Variants in TMCC3 observed in about 807,000 individuals in gnomAD.
TMCC3 encodes transmembrane and coiled-coil domain protein 3.
A neutral mutation model predicts 40.2 loss-of-function variants in TMCC3; 28 were observed. The observed-to-expected ratio is 0.70, with a 90% CI of 0.52 to 0.95. The LOEUF (loss-of-function observed/expected upper bound fraction) is 0.95, where lower values mean the gene tolerates loss of function less well. Ranked by LOEUF, TMCC3 falls within the 40% of genes least tolerant of loss-of-function variation. The pLI is 0.00. For synonymous variants in TMCC3, 255 were observed against 248.5 expected, an observed-to-expected ratio of 1.03 and a Z score of -0.25; for missense variants, 554 against 615.2, an observed-to-expected ratio of 0.90 and a Z score of 1.05.
At chr12:94,593,408 A>AGGAAG (rs1566320626) in intron 1 of TMCC3, among the ~76,000 whole-genome samples, 6 of 29,814 alleles carry the variant, frequency 2.0e-4, no homozygotes, top group African/African-American at 7.3e-4. Context: ...AAAGAAGAAG[A>AGGAAG]AGGAAGAAGA....
At chr12:94,650,202 C>A in intron 1 of TMCC3, 151 bp downstream of exon 1, 1 of 368,352 alleles carries the variant, frequency 2.7e-6, no homozygotes, top group Non-Finnish European at 4.3e-6. Context: ...ACCCTTTTAG[C>A]TCGGAGGATC....
At chr12:94,643,515 G>A (rs1024578744) in intron 1 of TMCC3, among the ~76,000 whole-genome samples, 4 of 152,114 alleles carry the variant, frequency 2.6e-5, no homozygotes, top group Admixed American at 6.5e-5. Flanking sequence ...GCAAAAACAC[G>A]GTTCTTTAAT....
chr12:94,633,379 T>C (rs17022972), intron 1 of TMCC3, among the ~76,000 whole-genome samples: 21,861 of 152,170 alleles, frequency 0.14, 1,894 homozygotes, highest in South Asian at 0.28. Flanking sequence ...AAATTTGATG[T>C]AAACATGGCA....
chr12:94,579,565 A>T (rs2068587962), intron 2 of TMCC3, among the ~76,000 whole-genome samples: 1 of 152,230 alleles, frequency 6.6e-6, no homozygotes, highest in Non-Finnish European at 1.5e-5. Context: ...GTGTATTTTG[A>T]AACAGGATGT....
chr12:94,611,409 A>G (rs1173382196), intron 1 of TMCC3, among the ~76,000 whole-genome samples: 2 of 152,170 alleles, frequency 1.3e-5, no homozygotes, highest in African/African-American at 4.8e-5. Flanking sequence ...GACCAATGCC[A>G]CTGAAATATT....
intron 1 of TMCC3, among the ~76,000 whole-genome samples, chr12:94,595,606 G>GA (rs2138843228): frequency 6.6e-6 from 1 of 152,290 alleles, no homozygotes; most frequent in Non-Finnish European, 1.5e-5. Flanking sequence ...ACATGTACTG[G>GA]ATGATTTGCA....
chr12:94,596,652 A>G (rs537898373), intron 1 of TMCC3, among the ~76,000 whole-genome samples: 1 of 151,990 alleles, frequency 6.6e-6, no homozygotes, highest in African/African-American at 2.4e-5. Flanking sequence ...CTTGGAGAGA[A>G]GGATCATCTA....
chr12:94,581,000 C>A (rs1415199425), intron 2 of TMCC3, among the ~76,000 whole-genome samples: 1 of 152,106 alleles, frequency 6.6e-6, no homozygotes, highest in East Asian at 1.9e-4. Context: ...CAGCTAAAAG[C>A]CACAAATTAT....
intron 1 of TMCC3, among the ~76,000 whole-genome samples, chr12:94,590,629 G>C (rs2068668128): frequency 6.6e-6 from 1 of 152,184 alleles, no homozygotes; most frequent in African/African-American, 2.4e-5. Flanking sequence ...GCCCTTCTCT[G>C]TGCTGGCTGA....
At chr12:94,608,901 C>T (rs2068799083) in intron 1 of TMCC3, among the ~76,000 whole-genome samples, 4 of 152,192 alleles carry the variant, frequency 2.6e-5, no homozygotes, top group Non-Finnish European at 5.9e-5. Flanking sequence ...TTCTAGTTCT[C>T]ACCTCATTAT....
In TMCC3 at chr12:94,580,892, A is replaced by G. The variant is rs555408851; in HGVS notation, c.995+730T>C. ...ATCTCTGAATTAGCATAATGACACTATAACGGAAGTCTACTGAATCAGCAT... is the reference window on the plus strand; with the variant it reads ...ATCTCTGAATTAGCATAATGACACTGTAACGGAAGTCTACTGAATCAGCAT... On this transcript the variant is annotated intron_variant, in intron 2 of 3. Coordinates refer to ENST00000261226, the MANE Select transcript of TMCC3 (RefSeq NM_020698.4). Among the ~76,000 whole-genome samples, 3 of 152,330 alleles carry G rather than the reference A, an allele frequency of 2.0e-5. No homozygotes were observed. In the South Asian group the frequency reaches 6.2e-4, roughly 32 times the overall value.
rs137861387 is a variant in TMCC3 at position 94,571,181 on chromosome 12, G to A, written c.*254C>T. On this transcript the variant is annotated 3_prime_UTR_variant, in exon 4 of 4. Transcript: ENST00000261226. ...AGGTTTACCACGCTGGGCTGGTCAGGTGGGCAGGAAATCGGTCTGATTAAG... is the reference window on the plus strand; with the variant it reads ...AGGTTTACCACGCTGGGCTGGTCAGATGGGCAGGAAATCGGTCTGATTAAG... 1.3e-4 allele frequency: 64 copies of A among 506,504 alleles called. No homozygotes were observed. In the East Asian group the frequency reaches 1.5e-3, roughly 12 times the overall value. 31.4% of individuals were successfully genotyped at this position (506,504 alleles called of 1,614,324 possible). A position where few individuals can be genotyped will look rare whatever the true frequency, so the allele number is the denominator to read the frequency against.
At chr12:94,650,317 G>C (rs1012545668) in intron 1 of TMCC3, 36 bp downstream of exon 1, 1 of 1,225,048 alleles carries the variant, frequency 8.2e-7, no homozygotes, top group Admixed American at 4.3e-5. Context: ...CCCCGGGCCC[G>C]CGCGCACCCG....
rs530244416 is a variant in TMCC3 at position 94,637,850 on chromosome 12, C to A, written c.78+12503G>T. Among the ~76,000 whole-genome samples, 262 of 152,206 alleles carry A rather than the reference C, an allele frequency of 1.7e-3. 1 individual carries two copies. Among genetic ancestry groups the A allele is most frequent in the Middle Eastern group, 3.4e-3 (1 of 294 alleles). ...AATAAGCTTTCCAGCTTCTCAAGTC[C>A]CACAGTACAATTTCACAACATACAC... On this transcript the variant is annotated intron_variant, in intron 1 of 3. Transcript: ENST00000261226.
intron 1 of TMCC3, among the ~76,000 whole-genome samples, chr12:94,645,815 A>G (rs916189145): frequency 3.3e-5 from 5 of 152,078 alleles, no homozygotes; most frequent in Admixed American, 3.3e-4. Context: ...TCCTGTAAGC[A>G]TTTCCTTTGA....
chr12:94,640,976 G>A (rs952361293), intron 1 of TMCC3, among the ~76,000 whole-genome samples: 4 of 152,224 alleles, frequency 2.6e-5, no homozygotes, highest in African/African-American at 9.6e-5. Context: ...AAGGCAGGCA[G>A]ATCACCTGAG....
At chr12:94,592,660 T>TTAAAAAAAAAAAAAAAAAAA (rs2068684635) in intron 1 of TMCC3, among the ~76,000 whole-genome samples, 1 of 12,950 alleles carries the variant, frequency 7.7e-5, no homozygotes, top group Non-Finnish European at 1.3e-4. Flanking sequence ...AGGCTCCATC[T>TTAAAAAAAAAAAAAAAAAAA]CAAAAAAAAA....
At chr12:94,589,162 G>A (rs749502993) in intron 1 of TMCC3, among the ~76,000 whole-genome samples, 4 of 151,718 alleles carry the variant, frequency 2.6e-5, no homozygotes, top group African/African-American at 4.8e-5. Flanking sequence ...ATTGGCTATC[G>A]TTAGTGTTAG....
rs377758123 is a variant in TMCC3 at position 94,578,547 on chromosome 12, C to T, written c.996-18G>A. On this transcript the variant is annotated intron_variant, in intron 2 of 3. Transcript: ENST00000261226. ...GCTCATACCTTTAAAAGAGAGGAGC[C>T]GATTCCCAGTGTGACCTTTCACAGC... The T allele has an allele frequency of 2.6e-5, 41 of 1,607,782 alleles. No homozygotes were observed. Among genetic ancestry groups the T allele is most frequent in the Middle Eastern group, 1.7e-4 (1 of 6,058 alleles).
Sources: gnomAD v4.1 joint callset for allele counts (sites outside exome capture counted in the v4.1 genomes callset) on GRCh38, gnomAD v4.1.1 for gene constraint, MANE v1.5 for transcripts, NCBI Gene and HGNC (gene_info 2026-07-23, HGNC 2026-07-21) for gene names.